Variants in CD200 observed in about 807,000 individuals in gnomAD.
The protein encoded by CD200 is CD200 molecule.
A neutral mutation model predicts 30.9 loss-of-function variants in CD200; 15 were observed. The observed-to-expected ratio is 0.49, with a 90% CI of 0.32 to 0.75. The LOEUF is 0.75. CD200 is among the 30% of genes least tolerant of loss of function. CD200 has a pLI of 0.03. For missense variants in CD200, 262 were observed against 324.2 expected (o/e 0.81, Z 1.47); for synonymous variants, 134 against 126.2 (o/e 1.06, Z -0.41).
intron 2 of CD200, among the ~76,000 whole-genome samples, chr3:112,343,231 G>A (rs1471371313): frequency 6.6e-6 from 1 of 151,618 alleles, no homozygotes; most frequent in Non-Finnish European, 1.5e-5. Context: ...AGTATATAGT[G>A]TATATAATAT....
In CD200 at chr3:112,345,090, A is replaced by G. The variant is rs765714579; in HGVS notation, c.223A>G (p.Met75Val). ...QKKKAVSPEN[M>V]VTFSENHGVV... ...AAAGAAAGCTGTAAGCCCAGAAAAC[A>G]TGGTCACCTTCAGCGAGAACCATGG... Residue 75 changes from methionine (M) to valine (V), a missense_variant, in exon 3 of 6, where the codon ATG (methionine) becomes GTG (valine). Transcript: ENST00000315711. 4 of 1,614,008 alleles carry G rather than the reference A, an allele frequency of 2.5e-6. No homozygotes were observed. Among genetic ancestry groups the G allele is most frequent in the Admixed American group, 3.3e-5 (2 of 59,978 alleles).
At chr3:112,340,491 C>G (rs1009867682) in intron 1 of CD200, among the ~76,000 whole-genome samples, 3 of 152,138 alleles carry the variant, frequency 2.0e-5, no homozygotes, top group Non-Finnish European at 4.4e-5. Flanking sequence ...AGTGGTTACC[C>G]TCTGAGTTAC....
At chr3:112,335,200 A>T (rs962675014) in intron 1 of CD200, among the ~76,000 whole-genome samples, 1 of 151,940 alleles carries the variant, frequency 6.6e-6, no homozygotes, top group Non-Finnish European at 1.5e-5. Flanking sequence ...CGAGTTATAT[A>T]TTTTTTTTCA....
At chr3:112,344,621 A>C (rs1334551036) in intron 2 of CD200, among the ~76,000 whole-genome samples, 1 of 152,144 alleles carries the variant, frequency 6.6e-6, no homozygotes, top group African/African-American at 2.4e-5. Flanking sequence ...TACTTCTCCA[A>C]GCATGGACAA....
chr3:112,349,614 G>A (rs978584157), intron 4 of CD200, 98 bp from the exon 5 acceptor site: 24 of 825,292 alleles, frequency 2.9e-5, no homozygotes, highest in African/African-American at 3.5e-5. Flanking sequence ...ACATATGTAT[G>A]TATTTAAGGA....
At chr3:112,361,515 G>GT (rs781527466) in intron 5 of CD200, 28 bp from the exon 6 acceptor site, 3 of 1,576,002 alleles carry the variant, frequency 1.9e-6, no homozygotes, top group African/African-American at 2.7e-5. Flanking sequence ...AGTGTCCAAA[G>GT]TTAATACCTT....
chr3:112,347,958 G>T, intron 4 of CD200, 128 bp downstream of exon 4: 1 of 835,402 alleles, frequency 1.2e-6, no homozygotes, highest in Non-Finnish European at 1.8e-6. Context: ...GGCAAATAAG[G>T]AAAAAACAAA....
chr3:112,335,867 G>T, intron 1 of CD200: 1 of 1,016,098 alleles, frequency 9.8e-7, no homozygotes, highest in South Asian at 1.3e-5. Context: ...ACCACCTCCA[G>T]GGTACAAGTT....
At chr3:112,345,318 T>A (rs773778920) in intron 3 of CD200, 30 bp downstream of exon 3, 13 of 1,555,760 alleles carry the variant, frequency 8.4e-6, no homozygotes, top group Middle Eastern at 1.7e-4. Context: ...ATTGTCTGTG[T>A]CTGGAAATAC....
At chr3:112,361,443 C>G in intron 5 of CD200, 100 bp from the exon 6 acceptor site, 1 of 958,478 alleles carries the variant, frequency 1.0e-6, no homozygotes, top group Non-Finnish European at 1.7e-6. Flanking sequence ...ACTAGAATAA[C>G]TCTGTGTTTC....
intron 3 of CD200, among the ~76,000 whole-genome samples, chr3:112,346,370 TTC>T (rs973991889): frequency 6.6e-6 from 1 of 152,074 alleles, no homozygotes; most frequent in African/African-American, 2.4e-5. Context: ...TCACCTTTCT[TTC>T]TCTTAGTCTC....
chr3:112,348,321 G>A (rs1416856917), intron 4 of CD200, among the ~76,000 whole-genome samples: 6 of 152,236 alleles, frequency 3.9e-5, no homozygotes, highest in Admixed American at 2.6e-4. Context: ...AAGGTTTCCT[G>A]GAAGAAGTGA....
chr3:112,360,783 C>T (rs573708471), intron 5 of CD200, among the ~76,000 whole-genome samples: 1 of 152,276 alleles, frequency 6.6e-6, no homozygotes, highest in South Asian at 2.1e-4. Flanking sequence ...GAGAGGTTTC[C>T]AGGCTCCCAG....
At chr3:112,343,188 C>T (rs1275247219) in intron 2 of CD200, among the ~76,000 whole-genome samples, 1 of 149,068 alleles carries the variant, frequency 6.7e-6, no homozygotes, top group African/African-American at 2.5e-5. Context: ...TATATTTATA[C>T]ACACACAGAG....
chr3:112,333,803 T>TGAAATGC, intron 1 of CD200: 1 of 985,358 alleles, frequency 1.0e-6, no homozygotes. Context: ...GAAGCTACAC[T>TGAAATGC]TGAGAGAGCT....
intron 4 of CD200, among the ~76,000 whole-genome samples, chr3:112,348,033 CCA>C (rs2108453679): frequency 6.6e-6 from 1 of 152,192 alleles, no homozygotes. Flanking sequence ...GGTTCATTGC[CCA>C]CACACCAAAT....
intron 1 of CD200, chr3:112,333,715 C>G: frequency 1.0e-6 from 1 of 985,432 alleles, no homozygotes; most frequent in Non-Finnish European, 1.2e-6. Context: ...AGAGCTCCTG[C>G]GTCTCCTCTT....
At chr3:112,345,314 T>A (rs763325053) in intron 3 of CD200, 26 bp downstream of exon 3, 1 of 1,570,812 alleles carries the variant, frequency 6.4e-7, no homozygotes, top group South Asian at 1.1e-5. Flanking sequence ...AATCATTGTC[T>A]GTGTCTGGAA....
At chr3:112,355,866 GA>G (rs981435372) in intron 5 of CD200, among the ~76,000 whole-genome samples, 4 of 150,798 alleles carry the variant, frequency 2.7e-5, no homozygotes, top group African/African-American at 7.3e-5. Flanking sequence ...AGAAATATCA[GA>G]AAAAAATTAA....
Sources: allele counts gnomAD v4.1 joint callset (sites outside exome capture counted in the v4.1 genomes callset), GRCh38; gene constraint gnomAD v4.1.1; transcripts MANE v1.5; gene names NCBI Gene and HGNC (gene_info 2026-07-23, HGNC 2026-07-21).